STX8: variants seen among roughly 807,000 people sequenced by gnomAD.
The protein encoded by STX8 is syntaxin 8.
A neutral mutation model predicts 37.5 loss-of-function variants in STX8; 23 were observed. That is an observed-to-expected ratio of 0.61 (90% CI 0.44 to 0.87). The LOEUF (loss-of-function observed/expected upper bound fraction) is 0.87. Among genes scored for constraint, STX8 ranks in the 40% least tolerant of loss-of-function variants. The probability of loss-of-function intolerance (pLI) is 0.00; values close to 1 mark genes in which losing one functional copy is unlikely to be tolerated. For synonymous variants in STX8, 115 were observed against 99.1 expected (o/e 1.16, Z -0.95); for missense variants, 313 against 284.7 (o/e 1.10, Z -0.71).
In STX8 at chr17:9,489,758, G is replaced by A. The variant is rs754085996; in HGVS notation, c.541+2071C>T. Among the ~76,000 whole-genome samples, 3 of 134,958 alleles carry A rather than the reference G, an allele frequency of 2.2e-5. No homozygotes were observed. The South Asian group carries it at 6.8e-4, about 31-fold the overall frequency. The allele number at this position is 134,958 out of a possible 152,430, so 88.5% of individuals were successfully genotyped here. A position where few individuals can be genotyped will look rare whatever the true frequency, so the allele number is the denominator to read the frequency against. On this transcript the variant is annotated intron_variant, in intron 6 of 7. Transcript: ENST00000306357. ...GGCTGGAGTGCAGTGGCACAATCTC[G>A]GCTCACTGCAACGTCTGCCTCCCAG...
At chr17:9,260,655 C>T (rs12949977) in intron 7 of STX8, among the ~76,000 whole-genome samples, 1 of 142,316 alleles carries the variant, frequency 7.0e-6, no homozygotes, top group Non-Finnish European at 1.6e-5. Flanking sequence ...AACAAACAAA[C>T]AACTGTGGTC....
At chr17:9,388,829 A>G (rs1454413213) in intron 6 of STX8, among the ~76,000 whole-genome samples, 1 of 146,720 alleles carries the variant, frequency 6.8e-6, no homozygotes, top group South Asian at 2.2e-4. Flanking sequence ...AAAAAAAAAA[A>G]CCATACATTT....
At chr17:9,463,112 C>G (rs1485248077) in intron 6 of STX8, among the ~76,000 whole-genome samples, 1 of 152,206 alleles carries the variant, frequency 6.6e-6, no homozygotes, top group Non-Finnish European at 1.5e-5. Flanking sequence ...CATCCCAGAA[C>G]ACATCCCTAT....
chr17:9,301,598 T>C (rs561301089), intron 7 of STX8, among the ~76,000 whole-genome samples: 9 of 151,746 alleles, frequency 5.9e-5, no homozygotes, highest in African/African-American at 2.2e-4. Context: ...TTCTCCTGCT[T>C]CAGCCTCCCG....
intron 7 of STX8, among the ~76,000 whole-genome samples, chr17:9,275,206 C>G (rs564579843): frequency 1.1e-4 from 17 of 152,324 alleles, no homozygotes; most frequent in Non-Finnish European, 2.4e-4. Context: ...CTGAGTGGTT[C>G]ACCCAGACCT....
chr17:9,505,158 T>C lies in STX8; in HGVS notation c.328A>G (p.Ser110Gly). The C allele has an allele frequency of 1.2e-6, 2 of 1,610,900 alleles. No homozygotes were observed. The highest frequency in any genetic ancestry group is 8.5e-7 in the Non-Finnish European group (1 of 1,179,148). The change falls in exon 5 of 8, where the codon AGC (serine) becomes GGC (glycine). Residue 110 changes from serine (S) to glycine (G), a missense_variant. Coordinates refer to ENST00000306357, the MANE Select transcript of STX8 (RefSeq NM_004853.3). ...CGCTTAGCCTCTTCACTCATCAGGC[T>C]GGACCTAAAGAACAATATTAAATGC... Reference protein sequence around the residue: ...EGAEPDLIRSSLMSEEAKRGA... With the variant: ...EGAEPDLIRSGLMSEEAKRGA...
chr17:9,327,986 CTTTT>C (rs1045617409), intron 7 of STX8, among the ~76,000 whole-genome samples: 13 of 146,234 alleles, frequency 8.9e-5, no homozygotes, highest in African/African-American at 2.7e-4. Flanking sequence ...TTCCTTCCTT[CTTTT>C]GTCTCTCTCT....
intron 4 of STX8, among the ~76,000 whole-genome samples, chr17:9,544,703 C>T (rs898195541): frequency 2.0e-5 from 3 of 152,040 alleles, no homozygotes; most frequent in Non-Finnish European, 4.4e-5. Flanking sequence ...AGAAAATTAA[C>T]GAAAACTGGC....
intron 6 of STX8, among the ~76,000 whole-genome samples, chr17:9,461,899 G>A (rs560387965): frequency 6.6e-6 from 1 of 152,162 alleles, no homozygotes; most frequent in Admixed American, 6.5e-5. Flanking sequence ...TTCTCATAAG[G>A]AGCATGCAAC....
At chr17:9,261,760 T>C (rs868627614) in intron 7 of STX8, among the ~76,000 whole-genome samples, 1 of 152,108 alleles carries the variant, frequency 6.6e-6, no homozygotes, top group African/African-American at 2.4e-5. Flanking sequence ...GTCAAGCCAA[T>C]AATTTAATGC....
chr17:9,250,497 A>G lies in STX8; in HGVS notation c.*81T>C. ...CAGAGCTTTGGGGGAATTTATTGAG[A>G]GCAGGTTTTGCGTACCAAAAGGGTG... is the stretch of plus-strand genomic sequence containing the variant. On this transcript the variant is annotated 3_prime_UTR_variant, in exon 8 of 8. Transcript: ENST00000306357. The G allele has an allele frequency of 7.9e-7, 1 of 1,265,506 alleles. No homozygotes were observed. The highest frequency in any genetic ancestry group is 1.3e-5 in the South Asian group (1 of 78,472). The allele number at this position is 1,265,506 out of a possible 1,614,324, so 78.4% of individuals were successfully genotyped here. A position where few individuals can be genotyped will look rare whatever the true frequency, so the allele number is the denominator to read the frequency against.
intron 4 of STX8, among the ~76,000 whole-genome samples, chr17:9,538,298 C>T (rs563022055): frequency 3.5e-4 from 54 of 152,304 alleles, no homozygotes; most frequent in African/African-American, 1.3e-3. Context: ...TCCTTAGCAA[C>T]TTCCTTCTTC....
chr17:9,475,433 G>A (rs899502635), intron 6 of STX8, among the ~76,000 whole-genome samples: 5 of 152,204 alleles, frequency 3.3e-5, no homozygotes, highest in Non-Finnish European at 7.3e-5. Flanking sequence ...CTACAAAGAA[G>A]TGGTTATAAG....
chr17:9,546,595 T>G (rs867741333), intron 3 of STX8, among the ~76,000 whole-genome samples: 6 of 114,354 alleles, frequency 5.2e-5, no homozygotes, highest in South Asian at 3.1e-4. Flanking sequence ...AAAGTGGTTT[T>G]TTTTTTTTTT....
chr17:9,435,626 T>C (rs1904404774), intron 6 of STX8, among the ~76,000 whole-genome samples: 1 of 152,108 alleles, frequency 6.6e-6, no homozygotes. Context: ...GGAATTGAAA[T>C]AGAGGAAACT....
chr17:9,280,750 T>C (rs1907854086), intron 7 of STX8, among the ~76,000 whole-genome samples: 1 of 152,134 alleles, frequency 6.6e-6, no homozygotes, highest in Admixed American at 6.6e-5. Flanking sequence ...CATGTTAATA[T>C]AAACATTTAA....
intron 4 of STX8, among the ~76,000 whole-genome samples, chr17:9,534,509 G>A (rs1036463678): frequency 1.3e-5 from 2 of 152,056 alleles, no homozygotes; most frequent in East Asian, 3.9e-4. Context: ...AGCAAAACTC[G>A]GCCAGGCGTG....
intron 7 of STX8, among the ~76,000 whole-genome samples, chr17:9,292,161 C>T (rs760635690): frequency 1.4e-4 from 21 of 152,348 alleles, no homozygotes; most frequent in African/African-American, 4.1e-4. Context: ...GGTGGATGGA[C>T]GGAGTCCCTG....
chr17:9,370,923 A>G (rs558355122), intron 7 of STX8, among the ~76,000 whole-genome samples: 164 of 70,650 alleles, frequency 2.3e-3, no homozygotes, highest in African/African-American at 6.6e-3. Context: ...TAGAAGCTAG[A>G]AAAAAAAAAA....
Sources: gnomAD v4.1 joint callset for allele counts (sites outside exome capture counted in the v4.1 genomes callset) on GRCh38, gnomAD v4.1.1 for gene constraint, MANE v1.5 for transcripts, NCBI Gene and HGNC (gene_info 2026-07-23, HGNC 2026-07-21) for gene names.